UNC13C: variants seen among roughly 807,000 people sequenced by gnomAD.
The protein encoded by UNC13C is protein unc-13 homolog C.
UNC13C carries 174 observed loss-of-function variants against 245.4 expected under a neutral mutation model. The ratio of observed to expected loss-of-function variants is 0.71; its 90% CI spans 0.63 to 0.80. The LOEUF (loss-of-function observed/expected upper bound fraction) is 0.80. Among genes scored for constraint, UNC13C ranks in the 30% least tolerant of loss-of-function variants. The pLI is 0.00. For missense variants in UNC13C, 2,829 were observed against 2,602.9 expected (o/e 1.09, Z -1.89); for synonymous variants, 992 against 895.1 (o/e 1.11, Z -1.93).
chr15:54,097,410 T>A (rs1899926483), intron 2 of UNC13C, among the ~76,000 whole-genome samples: 1 of 152,184 alleles, frequency 6.6e-6, no homozygotes, highest in Admixed American at 6.5e-5. Context: ...ATTAGGTGTT[T>A]TAATGGAGAA....
rs1261978857 is a variant in UNC13C at position 54,544,209 on chromosome 15, A to G, written c.5697-2513A>G. Among the ~76,000 whole-genome samples the G allele has an allele frequency of 2.6e-5, 4 of 152,344 alleles. No homozygotes were observed. In the South Asian group the frequency reaches 8.3e-4, roughly 32 times the overall value. ...CAACTTAAAACACATGATTATCTCA[A>G]TGGATGCAGAAAAGGCCTTTGATAA... On this transcript the variant is annotated intron_variant, in intron 26 of 32. Coordinates refer to ENST00000260323, the MANE Select transcript of UNC13C (RefSeq NM_001080534.3).
Position 54,294,015 on chromosome 15 carries a change from T to C in UNC13C, c.3939T>C (p.Ile1313=). ...CAGATGATTTTCTGGGACAAACAAT[T>C]GTAGAAGTGAGGACCTTGAGTGGAG... is the stretch of plus-strand genomic sequence containing the variant. The part of the protein sequence containing the change: ...KESDDFLGQT[I]VEVRTLSGEM... Residue 1313 remains isoleucine (I), a synonymous_variant, in exon 11 of 33, where the codon ATT becomes ATC. Transcript: ENST00000260323. 2 of 1,593,380 alleles carry C rather than the reference T, an allele frequency of 1.3e-6. No individual in the cohort carries two copies. Among genetic ancestry groups the C allele is most frequent in the South Asian group, 2.3e-5 (2 of 87,706 alleles).
intron 28 of UNC13C, among the ~76,000 whole-genome samples, chr15:54,552,492 A>G (rs868202119): frequency 0.013 from 667 of 49,962 alleles, 38 homozygotes; most frequent in African/African-American, 0.074. Context: ...ATTATATATT[A>G]TATTATATAT....
Position 54,488,701 on chromosome 15 carries a change from T to C in UNC13C, c.4934-5907T>C, listed in dbSNP as rs1374755609. On this transcript the variant is annotated intron_variant, in intron 19 of 32. Coordinates refer to ENST00000260323, the MANE Select transcript of UNC13C (RefSeq NM_001080534.3). ...AGGAAAATAGTCACATTCTTCCCAATTGCCAAGCCTTTTCCTTGTACAGTT... is the reference window on the plus strand; with the variant it reads ...AGGAAAATAGTCACATTCTTCCCAACTGCCAAGCCTTTTCCTTGTACAGTT... 3.3e-5 allele frequency among the ~76,000 whole-genome samples: 5 copies of C among 152,206 alleles called. No individual in the cohort carries two copies. In the East Asian group the frequency reaches 9.6e-4, roughly 29 times the overall value.
intron 19 of UNC13C, among the ~76,000 whole-genome samples, chr15:54,481,675 C>G (rs1249735889): frequency 6.6e-6 from 1 of 151,914 alleles, no homozygotes; most frequent in African/African-American, 2.4e-5. Flanking sequence ...ATGGGCCTGT[C>G]TTTGGGTCCC....
intron 10 of UNC13C, among the ~76,000 whole-genome samples, chr15:54,267,795 G>C (rs1465431515): frequency 1.3e-5 from 2 of 151,636 alleles, no homozygotes. Context: ...TGGGACTGTG[G>C]GTCTACAGTT....
the UNC13C span, among the ~76,000 whole-genome samples, chr15:53,965,830 T>C: frequency 6.6e-6 from 1 of 152,222 alleles, no homozygotes; most frequent in East Asian, 1.9e-4. Context: ...GGTTTTCTGT[T>C]CTTGTGATAG....
intron 2 of UNC13C, among the ~76,000 whole-genome samples, chr15:54,067,177 C>T (rs191964459): frequency 4.7e-4 from 72 of 152,074 alleles, no homozygotes; most frequent in African/African-American, 1.7e-3. Context: ...TTCCTGAAAG[C>T]GAAGTTGCCT....
intron 30 of UNC13C, among the ~76,000 whole-genome samples, chr15:54,615,851 A>C (rs147140538): frequency 2.0e-5 from 3 of 152,164 alleles, no homozygotes; most frequent in Non-Finnish European, 4.4e-5. Context: ...CTAGTTTGTC[A>C]GTGGAAAGAA....
intron 4 of UNC13C, among the ~76,000 whole-genome samples, chr15:54,209,528 T>C (rs2034815913): frequency 6.6e-6 from 1 of 151,984 alleles, no homozygotes; most frequent in Admixed American, 6.6e-5. Context: ...TCCTCCCTCC[T>C]CAATCTCCTG....
Position 54,135,187 on chromosome 15 carries a change from T to C in UNC13C, c.2984-7831T>C, listed in dbSNP as rs938085690. ...AGTTTGTGATTTTGCTATGGAGTTA[T>C]ATATTTTGGATATTGACCCTTTATC... On this transcript the variant is annotated intron_variant, in intron 2 of 32. Transcript: ENST00000260323. Among the ~76,000 whole-genome samples, 9 of 152,384 alleles carry C rather than the reference T, an allele frequency of 5.9e-5. No individual in the cohort carries two copies. In the East Asian group the frequency reaches 1.5e-3, roughly 26 times the overall value.
intron 1 of UNC13C, among the ~76,000 whole-genome samples, chr15:54,002,267 A>G (rs1009592713): frequency 6.6e-6 from 1 of 152,180 alleles, no homozygotes; most frequent in Non-Finnish European, 1.5e-5. Context: ...GGCTGGGTGA[A>G]AGAGTGAGAA....
intron 4 of UNC13C, among the ~76,000 whole-genome samples, chr15:54,158,008 T>G (rs911807568): frequency 1.3e-5 from 2 of 152,222 alleles, no homozygotes; most frequent in Non-Finnish European, 2.9e-5. Context: ...AGCCCTCTAC[T>G]TGGCATATAT....
At chr15:54,429,971 A>G (rs2899539) in intron 19 of UNC13C, among the ~76,000 whole-genome samples, 22,721 of 151,656 alleles carry the variant, frequency 0.15, 1,735 homozygotes, top group Non-Finnish European at 0.17. Context: ...GCACACTTGT[A>G]ACTAAAACAC....
chr15:54,220,460 G>A (rs901393487), intron 4 of UNC13C, among the ~76,000 whole-genome samples: 6 of 125,814 alleles, frequency 4.8e-5, no homozygotes, highest in East Asian at 2.4e-4. Flanking sequence ...GTAGGGGGAG[G>A]GGGGAGGGAT....
At chr15:54,497,564 A>C (rs911585440) in intron 20 of UNC13C, among the ~76,000 whole-genome samples, 9 of 152,066 alleles carry the variant, frequency 5.9e-5, no homozygotes, top group African/African-American at 2.2e-4. Flanking sequence ...AGATTGGGGC[A>C]GAAGAAAATC....
At chr15:54,606,557 A>G (rs1364515459) in intron 30 of UNC13C, among the ~76,000 whole-genome samples, 3 of 152,220 alleles carry the variant, frequency 2.0e-5, no homozygotes, top group Admixed American at 6.5e-5. Flanking sequence ...TTTCAGAGCA[A>G]GTACGCATTA....
chr15:54,194,687 G>C (rs184218047), intron 4 of UNC13C, among the ~76,000 whole-genome samples: 2 of 152,218 alleles, frequency 1.3e-5, no homozygotes, highest in South Asian at 2.1e-4. Flanking sequence ...CTCAGGAGTG[G>C]AGTGGGTATG....
At chr15:54,164,679 T>A (rs2033103819) in intron 4 of UNC13C, among the ~76,000 whole-genome samples, 1 of 152,180 alleles carries the variant, frequency 6.6e-6, no homozygotes, top group Non-Finnish European at 1.5e-5. Flanking sequence ...AATTATGGAA[T>A]GTAAATTTGC....
Sources: gnomAD v4.1 joint callset for allele counts (sites outside exome capture counted in the v4.1 genomes callset) on GRCh38, gnomAD v4.1.1 for gene constraint, MANE v1.5 for transcripts, NCBI Gene and HGNC (gene_info 2026-07-23, HGNC 2026-07-21) for gene names.